DPH5: variants seen among roughly 807,000 people sequenced by gnomAD.
DPH5 encodes the protein diphthine methyl ester synthase.
A neutral mutation model predicts 31.6 loss-of-function variants in DPH5; 31 were observed. The ratio of observed to expected loss-of-function variants is 0.98; its 90% CI spans 0.74 to 1.32. DPH5 has a LOEUF of 1.32. Among genes scored for constraint, DPH5 ranks in the 40% most tolerant of loss-of-function variants. The pLI is 0.00. For missense variants in DPH5, 309 were observed against 335.7 expected, an observed-to-expected ratio of 0.92 and a Z score of 0.62; for synonymous variants, 120 against 115.0, an observed-to-expected ratio of 1.04 and a Z score of -0.28.
At chr1:100,997,367 C>CT (rs35363129) in intron 5 of DPH5, among the ~76,000 whole-genome samples, 14,870 of 149,238 alleles carry the variant, frequency 0.1, 791 homozygotes, top group Middle Eastern at 0.19. Context: ...TCCTTCCTAT[C>CT]TTTTTTTTTT....
At chr1:101,005,676 G>C (rs1659175061) in intron 4 of DPH5, among the ~76,000 whole-genome samples, 1 of 152,154 alleles carries the variant, frequency 6.6e-6, no homozygotes, top group South Asian at 2.1e-4. Context: ...TGGAAGGCAG[G>C]GGGTTGGGGG....
At chr1:100,994,471 G>T (rs1033100852) in intron 6 of DPH5, among the ~76,000 whole-genome samples, 2 of 151,718 alleles carry the variant, frequency 1.3e-5, no homozygotes, top group African/African-American at 4.8e-5. Context: ...AAGAAAATAA[G>T]GCTCAGAGAT....
intron 3 of DPH5, 117 bp downstream of exon 3, chr1:101,021,524 T>C: frequency 1.0e-6 from 1 of 999,118 alleles, no homozygotes; most frequent in Non-Finnish European, 1.4e-6. Flanking sequence ...AGCGCTTAAG[T>C]AACCAGAGTT....
At chr1:100,995,672 C>CA (rs1658285507) in intron 5 of DPH5, 1 of 153,638 alleles carries the variant, frequency 6.5e-6, no homozygotes, top group African/African-American at 2.4e-5. Flanking sequence ...GACGCTGCGT[C>CA]AGAGACTGGG....
chr1:101,004,727 C>T (rs755465680), intron 4 of DPH5, among the ~76,000 whole-genome samples: 8 of 152,170 alleles, frequency 5.3e-5, no homozygotes, highest in Non-Finnish European at 1.2e-4. Flanking sequence ...GCATTTCCCC[C>T]ACTAAGAGGG....
At chr1:101,012,744 G>A (rs964291848) in intron 4 of DPH5, among the ~76,000 whole-genome samples, 2 of 152,120 alleles carry the variant, frequency 1.3e-5, no homozygotes, top group Non-Finnish European at 2.9e-5. Flanking sequence ...ATACTGTCAG[G>A]TCAGGTCAAT....
chr1:101,014,707 TA>T (rs141599053), intron 3 of DPH5, among the ~76,000 whole-genome samples: 3,879 of 152,288 alleles, frequency 0.025, 162 homozygotes, highest in African/African-American at 0.086. Context: ...CATTGTGTGA[TA>T]CCATTTTACC....
intron 4 of DPH5, among the ~76,000 whole-genome samples, chr1:101,005,350 C>A (rs6682873): frequency 0.28 from 42,175 of 152,082 alleles, 6,110 homozygotes; most frequent in African/African-American, 0.35. Flanking sequence ...CTGTCAAAAA[C>A]TGTACCACAA....
chr1:101,021,793 A>G (rs2101305165), intron 2 of DPH5, 28 bp from the exon 3 acceptor site: 1 of 1,598,592 alleles, frequency 6.3e-7, no homozygotes, highest in East Asian at 2.2e-5. Flanking sequence ...ATATCAAGAT[A>G]AAGAGACAGC....
chr1:101,014,977 T>G (rs983086099), intron 3 of DPH5, among the ~76,000 whole-genome samples: 3 of 152,232 alleles, frequency 2.0e-5, no homozygotes, highest in Non-Finnish European at 2.9e-5. Context: ...ATTCTAGTTC[T>G]CTTGGTATTT....
intron 4 of DPH5, among the ~76,000 whole-genome samples, chr1:101,006,682 G>A (rs1313378453): frequency 1.3e-5 from 2 of 152,080 alleles, no homozygotes; most frequent in Middle Eastern, 3.4e-3. Context: ...GAAAAGTAAC[G>A]ATAAGAATCA....
rs562677252 is a variant in DPH5 at position 101,007,546 on chromosome 1, T to C, written c.370-5959A>G. ...GGCTAACACAGTGAAACCCCGTCTC[T>C]ACTAAAAATATGAAAAAAATTTGCT... is the stretch of plus-strand genomic sequence containing the variant. On this transcript the variant is annotated intron_variant, in intron 4 of 7. Transcript: ENST00000370109. Among the ~76,000 whole-genome samples the C allele has an allele frequency of 2.6e-5, 4 of 152,106 alleles. No individual in the cohort carries two copies. The South Asian group carries it at 8.3e-4, about 32-fold the overall frequency.
rs1570715202 is a variant in DPH5 at position 101,024,057 on chromosome 1, A to C, written c.135+1252T>G. The stretch of plus-strand genomic sequence containing the variant: ...CATTTCCATCATTTCGAGCTTAGAT[A>C]TTTTGGTTCTATCCTAAGAGTGAAA... On this transcript the variant is annotated intron_variant, in intron 2 of 7. Transcript: ENST00000370109. Among the ~76,000 whole-genome samples the C allele has an allele frequency of 4.6e-5, 7 of 152,208 alleles. No homozygotes were observed. In the South Asian group the frequency reaches 1.5e-3, roughly 32 times the overall value.
intron 4 of DPH5, among the ~76,000 whole-genome samples, chr1:101,007,026 A>C (rs182396372): frequency 6.6e-6 from 1 of 152,348 alleles, no homozygotes; most frequent in African/African-American, 2.4e-5. Context: ...TCAGTCACCA[A>C]ATTTCTACAA....
intron 4 of DPH5, among the ~76,000 whole-genome samples, chr1:101,001,905 A>G (rs941158869): frequency 1.4e-5 from 2 of 142,306 alleles, no homozygotes; most frequent in African/African-American, 2.9e-5. Flanking sequence ...AACCCAGGAG[A>G]AAAAAAAAAG....
At chr1:101,011,090 G>A (rs956159375) in intron 4 of DPH5, among the ~76,000 whole-genome samples, 2 of 152,126 alleles carry the variant, frequency 1.3e-5, no homozygotes, top group Admixed American at 6.5e-5. Flanking sequence ...TTCCATAAGC[G>A]CTAGTCCAAA....
At chr1:101,012,330 C>G (rs1178598992) in intron 4 of DPH5, among the ~76,000 whole-genome samples, 1 of 152,086 alleles carries the variant, frequency 6.6e-6, no homozygotes, top group Non-Finnish European at 1.5e-5. Context: ...TAGTTTCTGT[C>G]TCTAGTGATA....
At chr1:101,025,037 A>C in intron 2 of DPH5, 1 of 357,418 alleles carries the variant, frequency 2.8e-6, no homozygotes, top group South Asian at 4.3e-5. Context: ...GGTTTTGATA[A>C]CTATCCCCCA....
chr1:101,001,699 TG>T (rs1658879871), intron 4 of DPH5, 112 bp from the exon 5 acceptor site: 1 of 846,536 alleles, frequency 1.2e-6, no homozygotes, highest in Admixed American at 3.0e-5. Context: ...CAACTCGAAA[TG>T]GGTTGGGGAT....
Sources: gnomAD v4.1 joint callset for allele counts (sites outside exome capture counted in the v4.1 genomes callset) on GRCh38, gnomAD v4.1.1 for gene constraint, MANE v1.5 for transcripts, NCBI Gene and HGNC (gene_info 2026-07-23, HGNC 2026-07-21) for gene names.